The following EPB41L1 variants were observed in gnomAD, a reference collection of about 807,000 sequenced individuals.
EPB41L1 encodes erythrocyte membrane protein band 4.1 like 1.
Under a neutral mutation model 97.8 loss-of-function variants are expected in EPB41L1, and 29 were observed. The ratio of observed to expected loss-of-function variants is 0.30; its 90% CI spans 0.22 to 0.40. The LOEUF is 0.40. Ranked by LOEUF, EPB41L1 falls within the 10% of genes least tolerant of loss-of-function variation. The pLI, the probability that EPB41L1 is intolerant of heterozygous loss-of-function variation, is 1.00. For missense variants in EPB41L1, 812 were observed against 1,162.3 expected, an observed-to-expected ratio of 0.70 and a Z score of 4.38; for synonymous variants, 383 against 459.2, an observed-to-expected ratio of 0.83 and a Z score of 2.12.
intron 19 of EPB41L1, among the ~76,000 whole-genome samples, chr20:36,221,548 G>A (rs780012302): frequency 6.6e-6 from 1 of 152,186 alleles, no homozygotes; most frequent in Non-Finnish European, 1.5e-5. Flanking sequence ...AACTGTGAGA[G>A]AGACAGATTC....
chr20:36,176,446 G>A (rs1230567708), intron 3 of EPB41L1, among the ~76,000 whole-genome samples: 4 of 152,102 alleles, frequency 2.6e-5, no homozygotes, highest in Admixed American at 1.3e-4. Context: ...GCCCTTCTCC[G>A]CATGTGTGAA....
chr20:36,095,584 TAG>T (rs1336664688), intron 1 of EPB41L1, among the ~76,000 whole-genome samples: 1 of 152,246 alleles, frequency 6.6e-6, no homozygotes, highest in Non-Finnish European at 1.5e-5. Context: ...CTCAGATTGC[TAG>T]AGTTTGTCTC....
At chr20:36,192,053 C>A (rs1468043725) in intron 11 of EPB41L1, among the ~76,000 whole-genome samples, 2 of 151,856 alleles carry the variant, frequency 1.3e-5, no homozygotes, top group East Asian at 3.9e-4. Context: ...TGATGAAACC[C>A]CATCTCTACT....
intron 21 of EPB41L1, 77 bp from the exon 22 acceptor site, chr20:36,229,255 A>G (rs2064372036): frequency 8.3e-7 from 1 of 1,202,452 alleles, no homozygotes; most frequent in Non-Finnish European, 1.2e-6. Flanking sequence ...GACAGAAGTT[A>G]CTAATTTTTC....
chr20:36,200,811 C>T, intron 14 of EPB41L1: 1 of 448,594 alleles, frequency 2.2e-6, no homozygotes, highest in Middle Eastern at 4.3e-4. Flanking sequence ...CTCTTCCTGT[C>T]TCTGTCTCTC....
Position 36,154,769 on chromosome 20 carries a change from C to G in EPB41L1, c.-142C>G. On this transcript the variant is annotated 5_prime_UTR_variant, in exon 1 of 22. Coordinates refer to ENST00000338074, the MANE Select transcript of EPB41L1 (RefSeq NM_012156.2). This position sits in a 1 kb window ranked among gnomAD's most constrained non-coding sequence, Gnocchi z 5.5. ...GGCATCCATCAGCGGGCGGGGGTGT[C>G]GCCGAACAGGCTGCTCCGCAGAGCC... The G allele has an allele frequency of 1.0e-6, 1 of 986,672 alleles. No homozygotes were observed. Among genetic ancestry groups the G allele is most frequent in the Non-Finnish European group, 1.2e-6 (1 of 830,726 alleles). 61.1% of individuals were successfully genotyped at this position (986,672 alleles called of 1,614,324 possible). A position where few individuals can be genotyped will look rare whatever the true frequency, so the allele number is the denominator to read the frequency against.
chr20:36,158,830 C>T (rs2060417690), intron 1 of EPB41L1, among the ~76,000 whole-genome samples: 1 of 152,204 alleles, frequency 6.6e-6, no homozygotes, highest in South Asian at 2.1e-4. Flanking sequence ...AACATTACTT[C>T]TCTCCCGCTT....
In EPB41L1 at chr20:36,206,347, G is replaced by T. The variant is rs1282560608; in HGVS notation, c.1669-3141G>T. The T allele has an allele frequency of 7.8e-7, 1 of 1,289,964 alleles. No homozygotes were observed. The highest frequency in any genetic ancestry group is 1.0e-6 in the Non-Finnish European group (1 of 988,914). The allele number at this position is 1,289,964 out of a possible 1,614,324, so 79.9% of individuals were successfully genotyped here. ...TGCTCCAGGGACCAGGCCAGCAGAG[G>T]TGGACGTCCTCTCTCCAGCCTCCGA... On this transcript the variant is annotated intron_variant, in intron 14 of 21. Transcript: ENST00000338074. The surrounding 1 kb of genome is among the most constrained non-coding windows in gnomAD (Gnocchi z 5.5).
rs745477480 is a variant in EPB41L1 at position 36,218,876 on chromosome 20, G to C, written c.2269G>C (p.Glu757Gln). The change falls in exon 18 of 22, where the codon GAG (glutamate) becomes CAG (glutamine). Residue 757 changes from glutamate (E) to glutamine (Q), a missense_variant and splice_region_variant. Glu to Gln is a conservative substitution (Grantham distance 29, BLOSUM62 2). Transcript: ENST00000338074. The stretch of plus-strand genomic sequence containing the variant: ...CATCTGAGCACTATTGTTTCCCCAG[G>C]AGAACAGTCTCAAGTCCGGGAAGGG... Reference protein sequence around the residue: ...ITTETISTTMENSLKSGKGAA... With the variant: ...ITTETISTTMQNSLKSGKGAA... The C allele has an allele frequency of 1.2e-6, 2 of 1,614,086 alleles. No individual in the cohort carries two copies. The highest frequency in any genetic ancestry group is 1.7e-6 in the Non-Finnish European group (2 of 1,179,998).
rs377335344 is a variant in EPB41L1 at position 36,221,962 on chromosome 20, G to A, written c.2520+18G>A. On this transcript the variant is annotated intron_variant, in intron 20 of 21. Transcript: ENST00000338074. The stretch of plus-strand genomic sequence containing the variant: ...AAGACCAGGTATGGGGGTAGCAACC[G>A]TTCTTCCCAGTGCCACTGCCCAGTC... 36 of 1,612,666 alleles carry A rather than the reference G, an allele frequency of 2.2e-5. No homozygotes were observed. The highest frequency in any genetic ancestry group is 6.7e-5 in the East Asian group (3 of 44,886).
At chr20:36,142,741 G>T (rs1207861145) in intron 2 of EPB41L1, among the ~76,000 whole-genome samples, 5 of 152,196 alleles carry the variant, frequency 3.3e-5, no homozygotes, top group Admixed American at 6.5e-5. Flanking sequence ...TGCCCGGGCT[G>T]TGCTGTGCTG....
chr20:36,191,648 T>G (rs539120470), intron 11 of EPB41L1, among the ~76,000 whole-genome samples: 3 of 152,188 alleles, frequency 2.0e-5, no homozygotes, highest in Non-Finnish European at 4.4e-5. Context: ...TTCAGAATTA[T>G]GCAGATCTGA....
intron 2 of EPB41L1, among the ~76,000 whole-genome samples, chr20:36,122,088 C>G (rs2058769664): frequency 1.3e-5 from 2 of 152,244 alleles, no homozygotes; most frequent in Middle Eastern, 3.4e-3. Context: ...TAGGGGAGGG[C>G]AAAGGATAGA....
intron 21 of EPB41L1, 43 bp from the exon 22 acceptor site, chr20:36,229,284 TCCCCC>T: frequency 6.9e-7 from 1 of 1,440,986 alleles, no homozygotes; most frequent in Non-Finnish European, 9.7e-7. Context: ...TTCCTTCCTT[TCCCCC>T]CACTCCCCAC....
intron 7 of EPB41L1, 94 bp downstream of exon 7, chr20:36,185,429 T>C: frequency 8.3e-7 from 1 of 1,200,110 alleles, no homozygotes. Context: ...CATACTGTGC[T>C]GTTTGTACCC....
intron 2 of EPB41L1, among the ~76,000 whole-genome samples, chr20:36,137,659 G>A (rs1274379961): frequency 6.6e-6 from 1 of 152,026 alleles, no homozygotes; most frequent in Admixed American, 6.6e-5. Context: ...TGAGTAGCTG[G>A]GATTACAGGC....
Position 36,118,358 on chromosome 20 carries a change from C to CAA in EPB41L1, c.-10+5890_-10+5891dup, listed in dbSNP as rs1009877629. On this transcript the variant is annotated intron_variant, in intron 2 of 19. Coordinates refer to the EPB41L1 transcript ENST00000202028. ...GGACTACAAGAACAAGACTCCATCT[C>CAA]AAAAAAAAAAAAAGAAACACAGAGT... Among the ~76,000 whole-genome samples, 1,057 of 137,338 alleles carry CAA rather than the reference C, an allele frequency of 7.7e-3. 10 individuals are homozygous for CAA. Among genetic ancestry groups the CAA allele is most frequent in the African/African-American group, 0.027 (1,012 of 37,182 alleles). 90.1% of individuals were successfully genotyped at this position (137,338 alleles called of 152,430 possible).
At chr20:36,199,958 G>C (rs2062408758) in intron 14 of EPB41L1, among the ~76,000 whole-genome samples, 3 of 152,178 alleles carry the variant, frequency 2.0e-5, no homozygotes, top group Non-Finnish European at 4.4e-5. Flanking sequence ...ATGGGTCTTA[G>C]TAAAAGGTGG....
chr20:36,137,168 G>A (rs2059450097), intron 2 of EPB41L1, among the ~76,000 whole-genome samples: 1 of 147,594 alleles, frequency 6.8e-6, no homozygotes, highest in Admixed American at 6.8e-5. Context: ...TCTGCCTCCT[G>A]GGCTCAAGGG....
Sources: gnomAD v4.1 joint callset for allele counts (sites outside exome capture counted in the v4.1 genomes callset) on GRCh38, gnomAD v4.1.1 for gene constraint, Gnocchi (gnomAD v3.1) non-coding constraint, MANE v1.5 for transcripts, NCBI Gene and HGNC (gene_info 2026-07-23, HGNC 2026-07-21) for gene names.